FUT8: variants seen among roughly 807,000 people sequenced by gnomAD.
FUT8 encodes the protein alpha-(1,6)-fucosyltransferase.
FUT8 carries 29 observed loss-of-function variants against 71.3 expected under a neutral mutation model. The observed-to-expected ratio is 0.41, with a 90% CI of 0.30 to 0.55. The LOEUF is 0.55. FUT8 is among the 20% of genes least tolerant of loss of function. The probability of loss-of-function intolerance (pLI) is 0.34; values close to 1 mark genes in which losing one functional copy is unlikely to be tolerated. For missense variants in FUT8, 544 were observed against 702.1 expected (o/e 0.77, Z 2.55); for synonymous variants, 254 against 239.3 (o/e 1.06, Z -0.57).
chr14:65,412,822 A>C lies in FUT8; in HGVS notation c.-718A>C. ...CGCGTGCGCGCGTTATCTCCGGCCG[A>C]CCCGAGCAGCCGGTTCCCTCCTCTC... On this transcript the variant is annotated 5_prime_UTR_variant, in exon 1 of 11. Coordinates refer to ENST00000673929, the MANE Select transcript of FUT8 (RefSeq NM_001371533.1). 1 of 164,566 alleles carries C rather than the reference A, an allele frequency of 6.1e-6. No individual in the cohort carries two copies. Among genetic ancestry groups the C allele is most frequent in the Non-Finnish European group, 1.3e-5 (1 of 76,380 alleles). The allele number at this position is 164,566 out of a possible 1,614,324, so 10.2% of individuals were successfully genotyped here.
At chr14:65,450,989 T>G (rs1270332453) in intron 1 of FUT8, among the ~76,000 whole-genome samples, 3 of 152,052 alleles carry the variant, frequency 2.0e-5, no homozygotes, top group South Asian at 2.1e-4. Flanking sequence ...CCCTAGTAGC[T>G]GGGACTACAG....
intron 7 of FUT8, among the ~76,000 whole-genome samples, chr14:65,685,985 C>T (rs1423033804): frequency 6.6e-6 from 1 of 152,138 alleles, no homozygotes; most frequent in African/African-American, 2.4e-5. Flanking sequence ...TTTAGAATAC[C>T]TGACCTCCTG....
At chr14:65,723,985 A>T (rs192287526) in intron 8 of FUT8, among the ~76,000 whole-genome samples, 162 bp from the exon 9 acceptor site, 5 of 152,294 alleles carry the variant, frequency 3.3e-5, no homozygotes, top group Admixed American at 2.6e-4. Flanking sequence ...TGTATTTTTG[A>T]GTTTTTAAAA....
rs913287122 is a variant in FUT8 at position 65,517,456 on chromosome 14, A to T, written c.-227-43881A>T. Reference sequence around the variant, plus strand: ...GGTAGCATATGCTTTTTGAAGCTGAAGAGATATCTGAGCTCTGATGCAAAC... The same window carrying T: ...GGTAGCATATGCTTTTTGAAGCTGATGAGATATCTGAGCTCTGATGCAAAC... On this transcript the variant is annotated intron_variant, in intron 2 of 10. Coordinates refer to ENST00000673929, the MANE Select transcript of FUT8 (RefSeq NM_001371533.1). 3.3e-5 allele frequency among the ~76,000 whole-genome samples: 5 copies of T among 152,172 alleles called. No individual in the cohort carries two copies. The South Asian group carries it at 1.0e-3, about 31-fold the overall frequency.
At chr14:65,412,222 T>C (rs1052217520), upstream of FUT8, 3 of 456,558 alleles carry the variant, frequency 6.6e-6, no homozygotes, top group African/African-American at 4.0e-5. Context: ...GATGCCATTG[T>C]AGGATCGCGC....
intron 7 of FUT8, among the ~76,000 whole-genome samples, chr14:65,712,271 A>G (rs1894843609): frequency 6.6e-6 from 1 of 152,244 alleles, no homozygotes; most frequent in Non-Finnish European, 1.5e-5. Flanking sequence ...TCATTGGATT[A>G]TAAAGGTGAT....
At chr14:65,629,436 TA>T in intron 5 of FUT8, 55 bp from the exon 6 acceptor site, 1 of 1,068,128 alleles carries the variant, frequency 9.4e-7, no homozygotes, top group Non-Finnish European at 1.4e-6. Flanking sequence ...AGACTTTGTG[TA>T]ATCCAGTGAA....
intron 1 of FUT8, among the ~76,000 whole-genome samples, chr14:65,415,461 C>T (rs937016524): frequency 1.3e-5 from 2 of 152,148 alleles, no homozygotes; most frequent in Non-Finnish European, 2.9e-5. Context: ...TACCCCCAAA[C>T]TTAGAGTATG....
At chr14:65,671,010 G>A (rs932743649) in intron 7 of FUT8, among the ~76,000 whole-genome samples, 1 of 152,118 alleles carries the variant, frequency 6.6e-6, no homozygotes, top group African/African-American at 2.4e-5. Context: ...TTCACGGCTA[G>A]TGCCAACAGA....
At chr14:65,631,621 C>T (rs574873317) in intron 6 of FUT8, among the ~76,000 whole-genome samples, 2 of 142,552 alleles carry the variant, frequency 1.4e-5, no homozygotes, top group African/African-American at 5.1e-5. Flanking sequence ...CCTTTTTCCC[C>T]CCATTGGAAG....
chr14:65,741,949 A>G (rs1594957002), intron 10 of FUT8, 144 bp from the exon 11 acceptor site: 1 of 627,210 alleles, frequency 1.6e-6, no homozygotes, highest in Non-Finnish European at 2.8e-6. Flanking sequence ...TCTTCTGAGA[A>G]CAAATGGACT....
At position 65,441,751 on chromosome 14, in the gene FUT8, CAAAAAAAAAA is replaced by C. The variant is rs71126746; in HGVS notation, c.-325-13852_-325-13843del. Among the ~76,000 whole-genome samples, 148 of 69,470 alleles carry C rather than the reference CAAAAAAAAAA, an allele frequency of 2.1e-3. 2 individuals are homozygous for C. Among genetic ancestry groups the C allele is most frequent in the South Asian group, 2.4e-3 (4 of 1,682 alleles). The allele number at this position is 69,470 out of a possible 152,430, so 45.6% of individuals were successfully genotyped here. ...CTGGTGACAGAGTGAGATTCCATCT[CAAAAAAAAAA>C]AAAAAAAAAAAAAAAAATCAGTTTG... On this transcript the variant is annotated intron_variant, in intron 1 of 10. Transcript: ENST00000673929.
At chr14:65,423,290 C>CT (rs2065329748) in intron 1 of FUT8, among the ~76,000 whole-genome samples, 1 of 139,390 alleles carries the variant, frequency 7.2e-6, no homozygotes, top group Non-Finnish European at 1.5e-5. Flanking sequence ...GAGATGGAGT[C>CT]TGGCTCTGTC....
At chr14:65,668,662 G>A (rs558653757) in intron 6 of FUT8, among the ~76,000 whole-genome samples, 8 of 152,234 alleles carry the variant, frequency 5.3e-5, no homozygotes, top group African/African-American at 9.6e-5. Flanking sequence ...ATTTGACCCC[G>A]CAATCCCGTT....
At chr14:65,602,702 C>CA (rs751162659) in intron 3 of FUT8, among the ~76,000 whole-genome samples, 19 of 151,870 alleles carry the variant, frequency 1.3e-4, no homozygotes, top group Non-Finnish European at 2.4e-4. Context: ...GAGTTTTTGA[C>CA]AATGGCCATT....
At chr14:65,650,085 A>T (rs1891295648) in intron 6 of FUT8, among the ~76,000 whole-genome samples, 1 of 151,796 alleles carries the variant, frequency 6.6e-6, no homozygotes, top group South Asian at 2.1e-4. Flanking sequence ...TCACGAGGTC[A>T]GGAGATCAAG....
At chr14:65,723,932 T>TA (rs1405662031) in intron 8 of FUT8, among the ~76,000 whole-genome samples, 2 of 152,252 alleles carry the variant, frequency 1.3e-5, no homozygotes, top group Non-Finnish European at 2.9e-5. Flanking sequence ...ACTTACTTTC[T>TA]AATTCCCCTT....
chr14:65,623,201 C>T (rs1403832181), intron 5 of FUT8, among the ~76,000 whole-genome samples: 1 of 152,126 alleles, frequency 6.6e-6, no homozygotes, highest in Non-Finnish European at 1.5e-5. Context: ...AAACTTCTCT[C>T]TTCAACATTT....
chr14:65,570,416 T>TC (rs398025451), intron 3 of FUT8, among the ~76,000 whole-genome samples: 1 of 151,896 alleles, frequency 6.6e-6, no homozygotes, highest in African/African-American at 2.4e-5. Flanking sequence ...TTTTTTTTTT[T>TC]CTGGGAGTGG....
Sources: gnomAD v4.1 joint callset for allele counts (sites outside exome capture counted in the v4.1 genomes callset) on GRCh38, gnomAD v4.1.1 for gene constraint, MANE v1.5 for transcripts, NCBI Gene and HGNC (gene_info 2026-07-23, HGNC 2026-07-21) for gene names.